Variants in CDH10 observed in about 807,000 individuals in gnomAD.
The protein encoded by CDH10 is cadherin-10.
A neutral mutation model predicts 73.1 loss-of-function variants in CDH10; 30 were observed. That is an observed-to-expected ratio of 0.41 (90% CI 0.31 to 0.56). CDH10 has a LOEUF of 0.56. Among genes scored for constraint, CDH10 ranks in the 20% least tolerant of loss-of-function variants. The pLI, the probability that CDH10 is intolerant of heterozygous loss-of-function variation, is 0.27. For synonymous variants in CDH10, 345 were observed against 348.2 expected (o/e 0.99, Z 0.10); for missense variants, 815 against 973.7 (o/e 0.84, Z 2.17).
intron 2 of CDH10, among the ~76,000 whole-genome samples, chr5:24,580,005 A>T (rs749907050): frequency 1.4e-4 from 21 of 152,142 alleles, no homozygotes; most frequent in Non-Finnish European, 2.8e-4. Context: ...ATAAAAGCAG[A>T]TTTATAGTCT....
chr5:24,593,871 C>T (rs1746284072), intron 1 of CDH10, among the ~76,000 whole-genome samples: 1 of 151,612 alleles, frequency 6.6e-6, no homozygotes, highest in Non-Finnish European at 1.5e-5. Flanking sequence ...TTTCTTTTGG[C>T]ACTTTAACAG....
intron 2 of CDH10, among the ~76,000 whole-genome samples, chr5:24,559,638 T>C (rs1386861091): frequency 3.3e-5 from 5 of 152,004 alleles, no homozygotes; most frequent in Non-Finnish European, 7.4e-5. Flanking sequence ...GGTTAAAATA[T>C]TACCACAACT....
At chr5:24,636,980 G>A (rs911961757) in intron 1 of CDH10, among the ~76,000 whole-genome samples, 4 of 151,940 alleles carry the variant, frequency 2.6e-5, no homozygotes, top group Non-Finnish European at 5.9e-5. Flanking sequence ...GAACCAAACT[G>A]TTAACTCTGA....
chr5:24,555,969 C>T (rs1744755332), intron 2 of CDH10, among the ~76,000 whole-genome samples: 1 of 152,092 alleles, frequency 6.6e-6, no homozygotes, highest in African/African-American at 2.4e-5. Flanking sequence ...TTGGAAACCA[C>T]AATCACTTCT....
chr5:24,570,138 C>T (rs1223552187), intron 2 of CDH10, among the ~76,000 whole-genome samples: 2 of 152,068 alleles, frequency 1.3e-5, no homozygotes, highest in South Asian at 4.1e-4. Flanking sequence ...TTGGGAATCA[C>T]CCTCTTAGAG....
At chr5:24,559,667 T>C (rs77978585) in intron 2 of CDH10, among the ~76,000 whole-genome samples, 2 of 152,050 alleles carry the variant, frequency 1.3e-5, no homozygotes, top group East Asian at 3.9e-4. Flanking sequence ...TGCATGATAA[T>C]GAAACAGGTG....
chr5:24,552,394 T>C (rs1412328681), intron 2 of CDH10, among the ~76,000 whole-genome samples: 2 of 151,978 alleles, frequency 1.3e-5, no homozygotes, highest in Non-Finnish European at 1.5e-5. Context: ...ATAATCAATA[T>C]AATAAATAAG....
chr5:24,543,771 C>A (rs1744237961), intron 2 of CDH10, among the ~76,000 whole-genome samples: 1 of 152,064 alleles, frequency 6.6e-6, no homozygotes, highest in African/African-American at 2.4e-5. Context: ...TCAAAGCCAG[C>A]AAACACAATC....
intron 2 of CDH10, among the ~76,000 whole-genome samples, chr5:24,541,878 T>C (rs1744170385): frequency 6.6e-6 from 1 of 152,026 alleles, no homozygotes; most frequent in Admixed American, 6.6e-5. Context: ...CTAATGAAAA[T>C]AGAACAACTG....
chr5:24,537,300 A>T (rs2111890915), intron 3 of CDH10, 80 bp downstream of exon 3: 1 of 903,708 alleles, frequency 1.1e-6, no homozygotes, highest in Admixed American at 2.5e-5. Flanking sequence ...ATTTCAATTA[A>T]TTGATTATAC....
intron 1 of CDH10, among the ~76,000 whole-genome samples, chr5:24,624,131 G>T (rs943610985): frequency 6.6e-6 from 1 of 152,070 alleles, no homozygotes; most frequent in Non-Finnish European, 1.5e-5. Flanking sequence ...TCATCAAGGA[G>T]CGGTGTCCTG....
chr5:24,621,732 A>G (rs925557025), intron 1 of CDH10, among the ~76,000 whole-genome samples: 2 of 152,236 alleles, frequency 1.3e-5, no homozygotes, highest in African/African-American at 4.8e-5. Context: ...ATAGATGGAC[A>G]TATTTATGTG....
chr5:24,577,995 TG>T (rs1745663661), intron 2 of CDH10, among the ~76,000 whole-genome samples: 1 of 152,140 alleles, frequency 6.6e-6, no homozygotes, highest in South Asian at 2.1e-4. Context: ...GACCTTCACT[TG>T]TAATGTCTCT....
At chr5:24,608,354 G>A (rs550740372) in intron 1 of CDH10, among the ~76,000 whole-genome samples, 5 of 152,004 alleles carry the variant, frequency 3.3e-5, no homozygotes, top group East Asian at 3.9e-4. Context: ...GTGTAGTGGC[G>A]CGATCTTGGC....
At chr5:24,497,138 A>T (rs3797173) in intron 9 of CDH10, among the ~76,000 whole-genome samples, 5 of 152,086 alleles carry the variant, frequency 3.3e-5, no homozygotes, top group African/African-American at 1.2e-4. Flanking sequence ...GAAAATAGAC[A>T]GAAGGAAAAT....
At chr5:24,512,626 C>A (rs1189987287) in intron 5 of CDH10, among the ~76,000 whole-genome samples, 1 of 152,196 alleles carries the variant, frequency 6.6e-6, no homozygotes, top group Non-Finnish European at 1.5e-5. Flanking sequence ...AACTCCCCTT[C>A]ATTCCAGAGA....
intron 8 of CDH10, among the ~76,000 whole-genome samples, chr5:24,502,205 A>G (rs564513695): frequency 1.3e-5 from 2 of 152,286 alleles, no homozygotes; most frequent in Admixed American, 1.3e-4. Flanking sequence ...TACAGGCGTG[A>G]GCCACCGCGC....
At chr5:24,507,681 G>C (rs16893465) in intron 7 of CDH10, among the ~76,000 whole-genome samples, 2,209 of 151,772 alleles carry the variant, frequency 0.015, 52 homozygotes, top group African/African-American at 0.047. Context: ...CTAAACCTTA[G>C]AATCTCTACC....
intron 2 of CDH10, among the ~76,000 whole-genome samples, chr5:24,574,461 A>G (rs1267377958): frequency 6.6e-6 from 1 of 152,096 alleles, no homozygotes; most frequent in East Asian, 1.9e-4. Context: ...AGTGTAGCAA[A>G]CCAAATATGA....
Sources: gnomAD v4.1 joint callset for allele counts (sites outside exome capture counted in the v4.1 genomes callset) on GRCh38, gnomAD v4.1.1 for gene constraint, MANE v1.5 for transcripts, NCBI Gene and HGNC (gene_info 2026-07-23, HGNC 2026-07-21) for gene names.